Variants in HERC4 observed in about 807,000 individuals in gnomAD.
HERC4 encodes HECT and RLD domain containing E3 ubiquitin protein ligase 4, also known as probable E3 ubiquitin-protein ligase HERC4.
HERC4 carries 28 observed loss-of-function variants against 124.3 expected under a neutral mutation model. That is an observed-to-expected ratio of 0.23 (90% CI 0.17 to 0.31). The LOEUF is 0.31. HERC4 is among the 10% of genes least tolerant of loss of function. The pLI is 1.00. For missense variants in HERC4, 713 were observed against 1,229.3 expected (o/e 0.58, Z 6.28); for synonymous variants, 407 against 421.5 (o/e 0.97, Z 0.42).
At chr10:67,996,284 C>T (rs915177545) in intron 9 of HERC4, 2 of 321,828 alleles carry the variant, frequency 6.2e-6, no homozygotes, top group African/African-American at 4.8e-5. Context: ...AATATATTGT[C>T]AGGGAAAATT....
At chr10:68,023,687 T>G (rs2038761401) in intron 8 of HERC4, among the ~76,000 whole-genome samples, 1 of 152,190 alleles carries the variant, frequency 6.6e-6, no homozygotes, top group African/African-American at 2.4e-5. Flanking sequence ...TACTTAAAAA[T>G]AGTTAAGGTG....
chr10:67,988,552 A>G (rs2036386219), intron 15 of HERC4, 111 bp downstream of exon 15: 4 of 711,580 alleles, frequency 5.6e-6, no homozygotes, highest in Non-Finnish European at 8.9e-6. Context: ...TTTCTATAAT[A>G]TGCATTGTTT....
intron 16 of HERC4, among the ~76,000 whole-genome samples, chr10:67,962,430 T>C: frequency 6.6e-6 from 1 of 152,188 alleles, no homozygotes; most frequent in Non-Finnish European, 1.5e-5. Flanking sequence ...AGTAAGATAA[T>C]GTTAGAATTT....
At chr10:68,044,746 G>A (rs555099226) in intron 3 of HERC4, among the ~76,000 whole-genome samples, 183 bp from the exon 4 acceptor site, 23 of 152,180 alleles carry the variant, frequency 1.5e-4, no homozygotes, top group African/African-American at 5.3e-4. Flanking sequence ...CAACAAATAT[G>A]TTCCAAACGT....
At chr10:68,034,320 A>T in intron 5 of HERC4, 134 bp from the exon 6 acceptor site, 1 of 664,826 alleles carries the variant, frequency 1.5e-6, no homozygotes, top group Non-Finnish European at 2.5e-6. Flanking sequence ...AAAAGAATAT[A>T]AATATTATTT....
chr10:67,960,026 G>A (rs766241498), intron 16 of HERC4, among the ~76,000 whole-genome samples: 7 of 152,220 alleles, frequency 4.6e-5, no homozygotes, highest in Admixed American at 1.3e-4. Flanking sequence ...CCTGATAGGA[G>A]TGTCTTTGTT....
intron 15 of HERC4, among the ~76,000 whole-genome samples, chr10:67,973,718 C>T (rs2035391213): frequency 6.6e-6 from 1 of 152,054 alleles, no homozygotes; most frequent in African/African-American, 2.4e-5. Context: ...GAGTCAAAGA[C>T]AACTTCAATA....
intron 21 of HERC4, among the ~76,000 whole-genome samples, chr10:67,938,208 T>C (rs10997883): frequency 0.63 from 94,926 of 150,864 alleles, 30,598 homozygotes; most frequent in Non-Finnish European, 0.68. Flanking sequence ...TTTGGGAGGC[T>C]AACGCGGGCA....
At chr10:68,048,391 T>C (rs964502019) in intron 3 of HERC4, among the ~76,000 whole-genome samples, 1 of 152,068 alleles carries the variant, frequency 6.6e-6, no homozygotes, top group Admixed American at 6.5e-5. Flanking sequence ...ATTTACTTAA[T>C]AGTAAAAAAG....
chr10:67,992,390 C>T, intron 10 of HERC4, 67 bp from the exon 11 acceptor site: 1 of 1,552,976 alleles, frequency 6.4e-7, no homozygotes, highest in Non-Finnish European at 8.7e-7. Flanking sequence ...CCAAGAAATT[C>T]CCACCATATA....
chr10:67,979,089 G>T (rs1428834607), intron 15 of HERC4, among the ~76,000 whole-genome samples: 1 of 152,094 alleles, frequency 6.6e-6, no homozygotes, highest in Non-Finnish European at 1.5e-5. Flanking sequence ...AGGAACATCT[G>T]TTAAGTTATC....
At chr10:68,010,343 C>T in intron 9 of HERC4, 3 of 939,638 alleles carry the variant, frequency 3.2e-6, no homozygotes, top group Non-Finnish European at 5.0e-6. Flanking sequence ...CAAAATGGGG[C>T]CCTGAGGCCA....
chr10:68,018,997 T>C (rs927987055), intron 8 of HERC4, among the ~76,000 whole-genome samples: 11 of 145,682 alleles, frequency 7.6e-5, no homozygotes, highest in Non-Finnish European at 1.5e-4. Context: ...TTCTTTCTTT[T>C]TTTTTTTTTT....
rs2039917333 is a variant in HERC4, at chr10:68,044,389, G to A, written c.386+15C>T. The A allele has an allele frequency of 6.3e-7, 1 of 1,595,506 alleles. No homozygotes were observed. Among genetic ancestry groups the A allele is most frequent in the African/African-American group, 1.4e-5 (1 of 73,716 alleles). ...AAAAGATTGTTAAGGACCTCTTTCT[G>A]GTCACCTTTGTTACCTGGGTACTCT... On this transcript the variant is annotated intron_variant, in intron 4 of 24. Coordinates refer to ENST00000373700, the MANE Select transcript of HERC4 (RefSeq NM_015601.4).
chr10:67,991,553 G>C (rs1373885200), intron 11 of HERC4, among the ~76,000 whole-genome samples: 1 of 152,010 alleles, frequency 6.6e-6, no homozygotes, highest in African/African-American at 2.4e-5. Flanking sequence ...AGCCTAATCT[G>C]GGATGCCTTT....
chr10:68,014,135 C>A lies in HERC4; in HGVS notation c.960G>T (p.Gly320=). 1 of 1,613,458 alleles carries A rather than the reference C, an allele frequency of 6.2e-7. No homozygotes were observed. The change falls in exon 9 of 25, where the codon GGG becomes GGT. Residue 320 remains glycine, a synonymous_variant. Coordinates refer to ENST00000373700, the MANE Select transcript of HERC4 (RefSeq NM_015601.4). The part of the protein sequence containing the change: ...VPSSGRIYSF[G]LGGNGQLGTG... ...TTCCCAGCTGCCCATTACCACCAAGCCCAAAAGAGTAAATTCGTCCTGATG... is the reference window on the plus strand; with the variant it reads ...TTCCCAGCTGCCCATTACCACCAAGACCAAAAGAGTAAATTCGTCCTGATG...
chr10:68,039,523 G>A, intron 4 of HERC4: 2 of 1,549,468 alleles, frequency 1.3e-6, no homozygotes, highest in Non-Finnish European at 1.7e-6. Flanking sequence ...GGAAAAAGGA[G>A]AGTTACTCTG....
chr10:68,039,439 C>T lies in HERC4; in HGVS notation c.387-1270G>A, dbSNP rs902222741. The T allele has an allele frequency of 9.7e-6, 15 of 1,550,488 alleles. No homozygotes were observed. In the Admixed American group the frequency reaches 9.8e-5, roughly 10 times the overall value. ...GACCTGATTCTGCCATAAGAGAGTC[C>T]GGAGCAAATTCTGACCAGAGAGTCG... is the stretch of plus-strand genomic sequence containing the variant. On this transcript the variant is annotated intron_variant, in intron 4 of 24. Coordinates refer to ENST00000373700, the MANE Select transcript of HERC4 (RefSeq NM_015601.4).
chr10:68,023,339 C>T (rs1239028301), intron 8 of HERC4, among the ~76,000 whole-genome samples: 1 of 152,116 alleles, frequency 6.6e-6, no homozygotes, highest in Non-Finnish European at 1.5e-5. Flanking sequence ...CATATACACA[C>T]AATGGAATGC....
Sources: allele counts gnomAD v4.1 joint callset (sites outside exome capture counted in the v4.1 genomes callset), GRCh38; gene constraint gnomAD v4.1.1; transcripts MANE v1.5; gene names NCBI Gene and HGNC (gene_info 2026-07-23, HGNC 2026-07-21).